FAT3: variants seen among roughly 807,000 people sequenced by gnomAD.
FAT3 encodes FAT atypical cadherin 3.
Under a neutral mutation model 310.2 loss-of-function variants are expected in FAT3, and 95 were observed. The ratio of observed to expected loss-of-function variants is 0.31; its 90% CI spans 0.26 to 0.36. FAT3 has a LOEUF of 0.36. Ranked by LOEUF, FAT3 falls within the 10% of genes least tolerant of loss-of-function variation. The probability of loss-of-function intolerance (pLI) is 1.00; values close to 1 mark genes in which losing one functional copy is unlikely to be tolerated. For synonymous variants in FAT3, 2,314 were observed against 2,192.9 expected (o/e 1.06, Z -1.54); for missense variants, 5,408 against 5,715.6 (o/e 0.95, Z 1.74).
chr11:92,633,968 C>T lies in FAT3; in HGVS notation c.3608-63416C>T, dbSNP rs566039459. 7.9e-5 allele frequency among the ~76,000 whole-genome samples: 12 copies of T among 152,206 alleles called. No individual in the cohort carries two copies. In the South Asian group the frequency reaches 2.5e-3, roughly 32 times the overall value. ...GGATACAGATATTAAATGAACAGTTCCAAGCACAGACTGATACATGAGTAT... is the reference window on the plus strand; with the variant it reads ...GGATACAGATATTAAATGAACAGTTTCAAGCACAGACTGATACATGAGTAT... On this transcript the variant is annotated intron_variant, in intron 3 of 27. Coordinates refer to ENST00000525166, the MANE Select transcript of FAT3 (RefSeq NM_001367949.2).
At chr11:92,810,117 CTT>C in intron 13 of FAT3, 41 bp downstream of exon 13, 1 of 1,570,180 alleles carries the variant, frequency 6.4e-7, no homozygotes, top group Non-Finnish European at 8.7e-7. Flanking sequence ...ACAGTGGACA[CTT>C]TGTCTTCAGG....
chr11:92,535,704 G>A (rs527991904), intron 3 of FAT3, among the ~76,000 whole-genome samples: 1 of 152,274 alleles, frequency 6.6e-6, no homozygotes, highest in African/African-American at 2.4e-5. Context: ...TGTTCTAAAA[G>A]GGTAGAAGTT....
intron 2 of FAT3, among the ~76,000 whole-genome samples, chr11:92,382,059 C>G (rs1949506319): frequency 6.6e-6 from 1 of 152,020 alleles, no homozygotes; most frequent in African/African-American, 2.4e-5. Context: ...AACTCTGGCT[C>G]AAATCAATTG....
chr11:92,738,908 A>G (rs2136019951), intron 4 of FAT3, among the ~76,000 whole-genome samples: 1 of 152,130 alleles, frequency 6.6e-6, no homozygotes, highest in African/African-American at 2.4e-5. Context: ...GTTCACAGAT[A>G]TTAAAGTGCT....
chr11:92,656,984 T>G (rs1483337907), intron 3 of FAT3, among the ~76,000 whole-genome samples: 1 of 150,208 alleles, frequency 6.7e-6, no homozygotes, highest in African/African-American at 2.4e-5. Flanking sequence ...AGGGGTAAGG[T>G]GGGGTGGGGA....
chr11:92,560,765 G>GAA (rs1398501311), intron 3 of FAT3, among the ~76,000 whole-genome samples: 4 of 152,154 alleles, frequency 2.6e-5, no homozygotes, highest in African/African-American at 9.7e-5. Context: ...CACTGTAGGT[G>GAA]CTGGCAGATC....
At chr11:92,818,378 G>T (rs1446215060) in intron 13 of FAT3, among the ~76,000 whole-genome samples, 2 of 152,186 alleles carry the variant, frequency 1.3e-5, no homozygotes, top group East Asian at 3.9e-4. Context: ...GAGTGTGTGG[G>T]ACAGAGAGAA....
At position 92,499,611 on chromosome 11, in the gene FAT3, C is replaced by G. The variant is rs142968405; in HGVS notation, c.3293-25023C>G. On this transcript the variant is annotated intron_variant, in intron 2 of 27. Coordinates refer to ENST00000525166, the MANE Select transcript of FAT3 (RefSeq NM_001367949.2). ...GCAAAAAAATTTGCAGAGACCCTGACCCTAGCTGACTGCCCAGCATCCACA... is the reference window on the plus strand; with the variant it reads ...GCAAAAAAATTTGCAGAGACCCTGAGCCTAGCTGACTGCCCAGCATCCACA... Among the ~76,000 whole-genome samples the G allele has an allele frequency of 5.9e-5, 9 of 152,062 alleles. No homozygotes were observed. In the East Asian group the frequency reaches 1.7e-3, roughly 30 times the overall value.
chr11:92,547,799 C>G (rs1479014861), intron 3 of FAT3, among the ~76,000 whole-genome samples: 1 of 152,136 alleles, frequency 6.6e-6, no homozygotes, highest in Non-Finnish European at 1.5e-5. Flanking sequence ...ACCCACTTGG[C>G]CCTGAAACAG....
intron 4 of FAT3, among the ~76,000 whole-genome samples, chr11:92,726,511 A>C (rs1945004456): frequency 6.6e-6 from 1 of 152,166 alleles, no homozygotes; most frequent in Non-Finnish European, 1.5e-5. Context: ...TTAGTAAAAG[A>C]ATGATAAAAT....
intron 2 of FAT3, among the ~76,000 whole-genome samples, chr11:92,407,311 T>C (rs556685121): frequency 2.0e-5 from 3 of 152,284 alleles, no homozygotes; most frequent in East Asian, 3.9e-4. Flanking sequence ...AGACTGGAGC[T>C]GCAGTAGTGA....
intron 3 of FAT3, among the ~76,000 whole-genome samples, chr11:92,637,320 GC>G (rs1286387020): frequency 2.0e-5 from 3 of 152,178 alleles, no homozygotes; most frequent in African/African-American, 7.2e-5. Flanking sequence ...CAGGTGTCTA[GC>G]CCTATTGTCC....
At chr11:92,469,389 G>A (rs1167466788) in intron 2 of FAT3, among the ~76,000 whole-genome samples, 6 of 152,096 alleles carry the variant, frequency 3.9e-5, no homozygotes, top group Non-Finnish European at 5.9e-5. Context: ...GCAAAACAAA[G>A]GAGAAATGGT....
intron 2 of FAT3, among the ~76,000 whole-genome samples, chr11:92,463,237 G>C (rs981233853): frequency 3.3e-5 from 5 of 152,174 alleles, no homozygotes; most frequent in African/African-American, 7.2e-5. Flanking sequence ...ATAATTGCTG[G>C]CATGCTCTCA....
chr11:92,836,453 C>T (rs1948410797), intron 15 of FAT3, 113 bp from the exon 16 acceptor site: 6 of 1,226,376 alleles, frequency 4.9e-6, no homozygotes, highest in Admixed American at 2.7e-5. Flanking sequence ...GAGAGCAGAG[C>T]TCCCGAGAAA....
chr11:92,871,217 G>A (rs1443666012), intron 22 of FAT3, among the ~76,000 whole-genome samples: 3 of 152,068 alleles, frequency 2.0e-5, no homozygotes, highest in Non-Finnish European at 4.4e-5. Context: ...TTTTTTCCTT[G>A]AAAATGCAAT....
At chr11:92,840,944 A>C (rs1458853329) in intron 18 of FAT3, among the ~76,000 whole-genome samples, 185 bp downstream of exon 18, 3 of 152,190 alleles carry the variant, frequency 2.0e-5, no homozygotes, top group Admixed American at 6.5e-5. Flanking sequence ...TGTGAAACTG[A>C]ACAGGAAGGA....
chr11:92,682,864 G>T (rs138819762), intron 3 of FAT3, among the ~76,000 whole-genome samples: 1 of 152,034 alleles, frequency 6.6e-6, no homozygotes, highest in Admixed American at 6.6e-5. Context: ...GATCACCTGA[G>T]GTCAGGAGTT....
chr11:92,811,200 A>G (rs969373919), intron 13 of FAT3, among the ~76,000 whole-genome samples: 2 of 152,222 alleles, frequency 1.3e-5, no homozygotes, highest in Non-Finnish European at 2.9e-5. Flanking sequence ...TTTATGTAAT[A>G]CCTACAAATA....
Sources: gnomAD v4.1 joint callset for allele counts (sites outside exome capture counted in the v4.1 genomes callset) on GRCh38, gnomAD v4.1.1 for gene constraint, MANE v1.5 for transcripts, NCBI Gene and HGNC (gene_info 2026-07-23, HGNC 2026-07-21) for gene names.